Variants in SEMA3E observed in about 807,000 individuals in gnomAD.
The protein encoded by SEMA3E is semaphorin-3E.
In SEMA3E, 49 loss-of-function variants were observed where a neutral mutation model predicts 93.6. That is an observed-to-expected ratio of 0.52 (90% CI 0.42 to 0.66). The LOEUF (loss-of-function observed/expected upper bound fraction) is 0.66. Among genes scored for constraint, SEMA3E ranks in the 30% least tolerant of loss-of-function variants. The pLI, the probability that SEMA3E is intolerant of heterozygous loss-of-function variation, is 0.00. For missense variants in SEMA3E, 906 were observed against 964.8 expected, an observed-to-expected ratio of 0.94 and a Z score of 0.81; for synonymous variants, 363 against 330.7, an observed-to-expected ratio of 1.10 and a Z score of -1.06.
intron 1 of SEMA3E, among the ~76,000 whole-genome samples, chr7:83,570,913 T>C (rs1196283676): frequency 2.0e-5 from 3 of 151,360 alleles, no homozygotes; most frequent in African/African-American, 7.3e-5. Context: ...GAGACTATTA[T>C]AAATACCTCT....
chr7:83,407,975 T>G (rs1002746330), intron 6 of SEMA3E, among the ~76,000 whole-genome samples: 11 of 152,144 alleles, frequency 7.2e-5, no homozygotes, highest in Non-Finnish European at 1.3e-4. Flanking sequence ...GAGTTTTGTC[T>G]CTAAAGTCTA....
At chr7:83,434,753 G>T (rs1349974379) in intron 4 of SEMA3E, among the ~76,000 whole-genome samples, 2 of 130,744 alleles carry the variant, frequency 1.5e-5, no homozygotes, top group African/African-American at 2.8e-5. Flanking sequence ...TCGCTCTGTC[G>T]CCCAGGCTGG....
At chr7:83,566,153 A>C (rs1584335020) in intron 1 of SEMA3E, among the ~76,000 whole-genome samples, 1 of 146,072 alleles carries the variant, frequency 6.8e-6, no homozygotes, top group African/African-American at 2.5e-5. Flanking sequence ...GGCCGTCACC[A>C]CACCTGGCTA....
At chr7:83,558,829 A>T (rs1173983999) in intron 1 of SEMA3E, among the ~76,000 whole-genome samples, 1 of 152,112 alleles carries the variant, frequency 6.6e-6, no homozygotes, top group Non-Finnish European at 1.5e-5. Flanking sequence ...AATTTTTAAC[A>T]AATACAAATA....
At chr7:83,566,840 A>G (rs369217830) in intron 1 of SEMA3E, among the ~76,000 whole-genome samples, 1 of 152,320 alleles carries the variant, frequency 6.6e-6, no homozygotes, top group African/African-American at 2.4e-5. Flanking sequence ...CCAAACCGCA[A>G]TGATAAGAAG....
intron 7 of SEMA3E, 144 bp downstream of exon 7, chr7:83,406,953 G>T: frequency 1.1e-6 from 1 of 922,292 alleles, no homozygotes; most frequent in Non-Finnish European, 1.7e-6. Context: ...GATATGAAAT[G>T]TAGAGGTTGG....
At position 83,364,985 on chromosome 7, in the gene SEMA3E, G is replaced by A. The variant is rs750985665; in HGVS notation, c.*2601C>T. ...TAAAGCCTGGGCATTTCTCACAACA[G>A]ATTCTGAATTTGAATTAATTCTAAC... On this transcript the variant is annotated 3_prime_UTR_variant, in exon 17 of 17. Coordinates refer to ENST00000643230, the MANE Select transcript of SEMA3E (RefSeq NM_012431.3). 1 of 152,206 alleles carries A rather than the reference G, an allele frequency of 6.6e-6. No individual in the cohort carries two copies. The highest frequency in any genetic ancestry group is 1.5e-5 in the Non-Finnish European group (1 of 68,048). 9.4% of individuals were successfully genotyped at this position (152,206 alleles called of 1,614,324 possible). A position where few individuals can be genotyped will look rare whatever the true frequency, so the allele number is the denominator to read the frequency against.
chr7:83,394,224 T>C (rs1298685797), intron 13 of SEMA3E, 73 bp downstream of exon 13: 2 of 1,483,702 alleles, frequency 1.3e-6, no homozygotes. Context: ...ACTAATGTTC[T>C]CATATCCTTT....
At chr7:83,553,750 A>G (rs555840525) in intron 1 of SEMA3E, among the ~76,000 whole-genome samples, 2 of 152,080 alleles carry the variant, frequency 1.3e-5, no homozygotes, top group African/African-American at 4.8e-5. Context: ...TTGTAAGTTT[A>G]TTTTCACATA....
chr7:83,390,098 TATACGTGTGCAC>T (rs1787982243), intron 14 of SEMA3E, among the ~76,000 whole-genome samples: 4 of 110,136 alleles, frequency 3.6e-5, no homozygotes, highest in African/African-American at 7.0e-5. Context: ...TATATGCGCG[TATACGTGTGCAC>T]ATATATGCGC....
At chr7:83,613,786 T>C (rs1464673201) in intron 1 of SEMA3E, among the ~76,000 whole-genome samples, 1 of 152,110 alleles carries the variant, frequency 6.6e-6, no homozygotes, top group African/African-American at 2.4e-5. Flanking sequence ...ATCTCTCTTA[T>C]TTTCCACTGA....
chr7:83,393,867 G>A (rs1788066926), intron 13 of SEMA3E, among the ~76,000 whole-genome samples: 1 of 152,086 alleles, frequency 6.6e-6, no homozygotes, highest in Admixed American at 6.6e-5. Flanking sequence ...CATTGTTTTT[G>A]AAAAACATTA....
At chr7:83,446,611 C>T (rs541813083) in intron 4 of SEMA3E, among the ~76,000 whole-genome samples, 1 of 152,278 alleles carries the variant, frequency 6.6e-6, no homozygotes, top group South Asian at 2.1e-4. Context: ...ATTCACACAG[C>T]AGATGCTGCT....
intron 16 of SEMA3E, chr7:83,372,325 A>G (rs1394898982): frequency 7.5e-6 from 3 of 398,036 alleles, no homozygotes. Flanking sequence ...CTTATTGAAT[A>G]TGATCTTTTG....
intron 4 of SEMA3E, chr7:83,424,926 T>C: frequency 3.7e-6 from 1 of 273,830 alleles, no homozygotes. Flanking sequence ...CTCTACCATG[T>C]GTGGGAGGGT....
chr7:83,648,359 ACTTTTTTTTTCTTTTTTCTTTTT>A, intron 1 of SEMA3E, 46 bp downstream of exon 1: 1 of 1,212,020 alleles, frequency 8.3e-7, no homozygotes, highest in African/African-American at 1.6e-5. Context: ...ATGTTAAACG[ACTTTTTTTTTCTTTTTTCTTTTT>A]CTTTTTTTTT....
chr7:83,594,010 T>C (rs1169849372), intron 1 of SEMA3E, among the ~76,000 whole-genome samples: 2 of 152,134 alleles, frequency 1.3e-5, no homozygotes, highest in Admixed American at 6.6e-5. Flanking sequence ...AGAGTGTTTG[T>C]ATTTGGAGGT....
chr7:83,445,020 G>A (rs1276773083), intron 4 of SEMA3E, among the ~76,000 whole-genome samples: 1 of 152,114 alleles, frequency 6.6e-6, no homozygotes, highest in Non-Finnish European at 1.5e-5. Context: ...ATGAAAGGAA[G>A]AAAGCTTCTA....
At chr7:83,530,881 G>GA (rs34149088) in intron 1 of SEMA3E, among the ~76,000 whole-genome samples, 11 of 150,522 alleles carry the variant, frequency 7.3e-5, no homozygotes, top group African/African-American at 2.2e-4. Flanking sequence ...TCCGTCGGGG[G>GA]AAAAAAAAAA....
Sources: gnomAD v4.1 joint callset for allele counts (sites outside exome capture counted in the v4.1 genomes callset) on GRCh38, gnomAD v4.1.1 for gene constraint, MANE v1.5 for transcripts, NCBI Gene and HGNC (gene_info 2026-07-23, HGNC 2026-07-21) for gene names.